Variants in GRID2 observed in about 807,000 individuals in gnomAD.
GRID2 encodes the protein glutamate receptor ionotropic, delta-2.
Under a neutral mutation model 114.8 loss-of-function variants are expected in GRID2, and 33 were observed. That is an observed-to-expected ratio of 0.29 (90% CI 0.22 to 0.38). The LOEUF (loss-of-function observed/expected upper bound fraction) is 0.38, where lower values mean the gene tolerates loss of function less well. Ranked by LOEUF, GRID2 falls within the 10% of genes least tolerant of loss-of-function variation. GRID2 has a pLI of 1.00. For synonymous variants in GRID2, 505 were observed against 449.9 expected (o/e 1.12, Z -1.55); for missense variants, 1,184 against 1,257.7 (o/e 0.94, Z 0.89).
chr4:92,353,901 G>C (rs1728191634), intron 1 of GRID2, among the ~76,000 whole-genome samples: 1 of 151,934 alleles, frequency 6.6e-6, no homozygotes, highest in East Asian at 1.9e-4. Context: ...CAGATTTTCT[G>C]CCAAAGCCTT....
chr4:93,776,238 A>G (rs1259686970), downstream of GRID2, among the ~76,000 whole-genome samples: 2 of 152,338 alleles, frequency 1.3e-5, no homozygotes, highest in East Asian at 3.9e-4. Context: ...ATGACCAAAT[A>G]TTAATAAATG....
intron 2 of GRID2, among the ~76,000 whole-genome samples, chr4:92,982,728 T>C (rs1157885246): frequency 6.6e-6 from 1 of 152,126 alleles, no homozygotes; most frequent in Non-Finnish European, 1.5e-5. Context: ...TTTTTCATAG[T>C]TCTTTGGCTA....
intron 14 of GRID2, among the ~76,000 whole-genome samples, chr4:93,687,205 T>C (rs190881743): frequency 2.2e-4 from 34 of 152,144 alleles, no homozygotes; most frequent in Admixed American, 1.2e-3. Flanking sequence ...CTCAAATGTT[T>C]GGCCTTTGCA....
intron 2 of GRID2, among the ~76,000 whole-genome samples, chr4:92,611,705 C>A (rs147338061): frequency 6.6e-6 from 1 of 151,488 alleles, no homozygotes; most frequent in Non-Finnish European, 1.5e-5. Flanking sequence ...TTGTAAAATA[C>A]GTGAAGTGGT....
At chr4:92,708,643 T>C (rs944824395) in intron 2 of GRID2, among the ~76,000 whole-genome samples, 2 of 152,230 alleles carry the variant, frequency 1.3e-5, no homozygotes, top group African/African-American at 4.8e-5. Context: ...TTTTATTTAG[T>C]AATAAAATTT....
At chr4:93,186,025 C>T (rs1740382191) in intron 4 of GRID2, among the ~76,000 whole-genome samples, 1 of 152,096 alleles carries the variant, frequency 6.6e-6, no homozygotes, top group South Asian at 2.1e-4. Context: ...TGATAGTTTG[C>T]TGAGAATGAT....
Position 92,845,591 on chromosome 4 carries a change from C to T in GRID2, c.245-239404C>T, listed in dbSNP as rs148343452. Among the ~76,000 whole-genome samples the T allele has an allele frequency of 7.0e-3, 1,068 of 152,176 alleles. 7 individuals are homozygous for T. Among genetic ancestry groups the T allele is most frequent in the South Asian group, 0.012 (58 of 4,824 alleles). ...CCATCCTGCTCTCTGCCCTCCTCCA[C>T]CCTTCTCAATCTCCTTTACCTCCTT... On this transcript the variant is annotated intron_variant, in intron 2 of 15. Transcript: ENST00000282020.
chr4:92,766,148 A>G (rs1578162688), intron 2 of GRID2, among the ~76,000 whole-genome samples: 2 of 152,292 alleles, frequency 1.3e-5, no homozygotes, highest in East Asian at 3.9e-4. Context: ...TGGCAAAGCT[A>G]CTATAAGTTA....
chr4:92,662,912 T>A (rs1301873888), intron 2 of GRID2, among the ~76,000 whole-genome samples: 1 of 151,190 alleles, frequency 6.6e-6, no homozygotes, highest in East Asian at 1.9e-4. Flanking sequence ...TACAGAAATT[T>A]TAAACTGTCC....
intron 13 of GRID2, among the ~76,000 whole-genome samples, chr4:93,597,988 C>T (rs1414275371): frequency 1.3e-5 from 2 of 152,174 alleles, no homozygotes; most frequent in East Asian, 3.8e-4. Flanking sequence ...AGGATTGCAG[C>T]CTTATTCCTT....
chr4:92,415,740 G>GTGTGTGTA (rs1459039400), intron 1 of GRID2, among the ~76,000 whole-genome samples: 4 of 82,218 alleles, frequency 4.9e-5, no homozygotes, highest in African/African-American at 1.6e-4. Flanking sequence ...GTGTATGTGT[G>GTGTGTGTA]TATATATATA....
chr4:92,646,243 A>T (rs1288839074), intron 2 of GRID2, among the ~76,000 whole-genome samples: 1 of 152,184 alleles, frequency 6.6e-6, no homozygotes, highest in Non-Finnish European at 1.5e-5. Context: ...CTTCTTTTAT[A>T]AAGTGCCTGT....
At chr4:93,785,965 A>C (rs1177663657) in intron 1 of GRID2, among the ~76,000 whole-genome samples, 1 of 152,220 alleles carries the variant, frequency 6.6e-6, no homozygotes, top group Non-Finnish European at 1.5e-5. Context: ...ATTTAGCGCA[A>C]AGTAAGTTCT....
At chr4:93,783,455 T>A (rs1026827750) in intron 1 of GRID2, among the ~76,000 whole-genome samples, 5 of 152,210 alleles carry the variant, frequency 3.3e-5, no homozygotes, top group Admixed American at 1.3e-4. Context: ...TATTCCTCAC[T>A]GATGTAAGAG....
At chr4:92,332,539 C>G (rs1726949143) in intron 1 of GRID2, among the ~76,000 whole-genome samples, 1 of 152,146 alleles carries the variant, frequency 6.6e-6, no homozygotes, top group African/African-American at 2.4e-5. Context: ...TCATTTCATC[C>G]TATAGTCCCC....
intron 2 of GRID2, among the ~76,000 whole-genome samples, chr4:92,964,910 A>G (rs1753041633): frequency 6.6e-6 from 1 of 152,026 alleles, no homozygotes; most frequent in Non-Finnish European, 1.5e-5. Flanking sequence ...TGTGTTCACT[A>G]TAATAGTACA....
At chr4:93,274,843 T>C (rs542885105) in intron 8 of GRID2, among the ~76,000 whole-genome samples, 1 of 152,164 alleles carries the variant, frequency 6.6e-6, no homozygotes, top group Non-Finnish European at 1.5e-5. Context: ...TTGTTTCTTA[T>C]TTGCTGAAAA....
At chr4:92,450,848 A>G (rs2149078352) in intron 1 of GRID2, among the ~76,000 whole-genome samples, 1 of 148,096 alleles carries the variant, frequency 6.8e-6, no homozygotes, top group Non-Finnish European at 1.5e-5. Context: ...TTATTTTAAT[A>G]AATTTAAATA....
intron 1 of GRID2, among the ~76,000 whole-genome samples, chr4:92,349,293 T>C (rs1727941410): frequency 6.6e-6 from 1 of 152,006 alleles, no homozygotes; most frequent in South Asian, 2.1e-4. Context: ...ACTAAAAGTT[T>C]GTCTAACTCT....
Sources: gnomAD v4.1 joint callset for allele counts (sites outside exome capture counted in the v4.1 genomes callset) on GRCh38, gnomAD v4.1.1 for gene constraint, MANE v1.5 for transcripts, NCBI Gene and HGNC (gene_info 2026-07-23, HGNC 2026-07-21) for gene names.